The following ANO4 variants were observed in gnomAD, a reference collection of about 807,000 sequenced individuals.
ANO4 encodes anoctamin 4, also known as anoctamin-4.
ANO4 carries 69 observed loss-of-function variants against 141.9 expected under a neutral mutation model. The observed-to-expected ratio is 0.49, with a 90% CI of 0.40 to 0.59. The LOEUF is 0.59. Ranked by LOEUF, ANO4 falls within the 20% of genes least tolerant of loss-of-function variation. ANO4 has a pLI of 0.00. For synonymous variants in ANO4, 350 were observed against 394.3 expected (o/e 0.89, Z 1.33); for missense variants, 894 against 1,162.2 (o/e 0.77, Z 3.36).
At chr12:100,854,013 G>A (rs999749173) in intron 1 of ANO4, among the ~76,000 whole-genome samples, 13 of 152,036 alleles carry the variant, frequency 8.6e-5, no homozygotes, top group African/African-American at 3.1e-4. Flanking sequence ...CATTTTCCAT[G>A]TTCCTTCCGG....
At chr12:100,894,560 T>C (rs528658569) in intron 1 of ANO4, among the ~76,000 whole-genome samples, 2 of 152,210 alleles carry the variant, frequency 1.3e-5, no homozygotes, top group East Asian at 3.9e-4. Flanking sequence ...GGAACATACC[T>C]AAGCTAATGA....
chr12:100,929,217 C>A (rs1211765483), intron 3 of ANO4, among the ~76,000 whole-genome samples: 2 of 152,038 alleles, frequency 1.3e-5, no homozygotes, highest in African/African-American at 4.8e-5. Context: ...CTTATTCATT[C>A]TATCTAATTA....
chr12:101,050,748 A>G (rs1011805436), intron 14 of ANO4, among the ~76,000 whole-genome samples: 1 of 152,220 alleles, frequency 6.6e-6, no homozygotes, highest in African/African-American at 2.4e-5. Flanking sequence ...AAATATTTAC[A>G]CAGCAGCTGC....
At chr12:100,749,327 T>C (rs1306207758) in intron 3 of ANO4, among the ~76,000 whole-genome samples, 1 of 152,226 alleles carries the variant, frequency 6.6e-6, no homozygotes, top group Non-Finnish European at 1.5e-5. Context: ...TGTATACTAC[T>C]TCTCTGTGAA....
chr12:101,056,025 T>C (rs1309315274), intron 14 of ANO4, among the ~76,000 whole-genome samples: 1 of 152,190 alleles, frequency 6.6e-6, no homozygotes, highest in African/African-American at 2.4e-5. Flanking sequence ...TGTGTATGTG[T>C]ACACATGGCA....
At chr12:100,992,789 A>T (rs1213888397) in intron 8 of ANO4, among the ~76,000 whole-genome samples, 1 of 152,180 alleles carries the variant, frequency 6.6e-6, no homozygotes, top group African/African-American at 2.4e-5. Flanking sequence ...TGGTCTTCTA[A>T]ATGAAGGAGT....
At chr12:100,955,602 T>C (rs942192753) in intron 5 of ANO4, among the ~76,000 whole-genome samples, 5 of 152,198 alleles carry the variant, frequency 3.3e-5, no homozygotes, top group Admixed American at 3.3e-4. Flanking sequence ...TGAACAGTAA[T>C]GTTGGGGCCA....
chr12:100,885,438 C>A (rs2039780975), intron 1 of ANO4: 1 of 152,244 alleles, frequency 6.6e-6, no homozygotes, highest in Non-Finnish European at 1.5e-5. Flanking sequence ...ATTTCTCTGA[C>A]CTTCCTTTAG....
At chr12:100,747,518 G>T (rs1028947827) in intron 3 of ANO4, among the ~76,000 whole-genome samples, 4 of 152,166 alleles carry the variant, frequency 2.6e-5, no homozygotes, top group Non-Finnish European at 5.9e-5. Flanking sequence ...TTTGCCTTGT[G>T]CCCTCCTTCT....
At chr12:100,956,292 A>G (rs1423943194) in intron 5 of ANO4, among the ~76,000 whole-genome samples, 1 of 152,246 alleles carries the variant, frequency 6.6e-6, no homozygotes, top group Non-Finnish European at 1.5e-5. Context: ...TCTTCGAAGA[A>G]GGTGGTGTTA....
At chr12:101,099,503 A>G (rs781033896) in intron 21 of ANO4, 75 bp from the exon 22 acceptor site, 20 of 1,401,644 alleles carry the variant, frequency 1.4e-5, no homozygotes, top group Non-Finnish European at 1.9e-5. Context: ...TTCTGTATTC[A>G]AACTCTCCTT....
chr12:100,827,137 T>G (rs1442366678), intron 1 of ANO4, among the ~76,000 whole-genome samples: 2 of 152,060 alleles, frequency 1.3e-5, no homozygotes, highest in African/African-American at 2.4e-5. Context: ...TTTAGTCAGA[T>G]AGTAAAAGAC....
At chr12:100,884,819 C>T (rs569061569) in intron 1 of ANO4, among the ~76,000 whole-genome samples, 2 of 152,326 alleles carry the variant, frequency 1.3e-5, no homozygotes, top group South Asian at 2.1e-4. Flanking sequence ...CTCAGCCCCC[C>T]GAGTAGCTGG....
intron 5 of ANO4, among the ~76,000 whole-genome samples, chr12:100,960,256 A>G (rs1030423778): frequency 6.9e-6 from 1 of 144,690 alleles, no homozygotes; most frequent in African/African-American, 2.6e-5. Flanking sequence ...ATATTCACAC[A>G]CACGCACACA....
chr12:100,771,748 TGGGTGACCA>T (rs2033311307), intron 3 of ANO4, among the ~76,000 whole-genome samples: 1 of 152,218 alleles, frequency 6.6e-6, no homozygotes, highest in Non-Finnish European at 1.5e-5. Context: ...GAGGAAGGCC[TGGGTGACCA>T]GTGGCCATAG....
intron 1 of ANO4, among the ~76,000 whole-genome samples, chr12:100,806,434 A>G (rs1412893435): frequency 6.8e-6 from 1 of 147,390 alleles, no homozygotes; most frequent in Non-Finnish European, 1.5e-5. Flanking sequence ...TTCTTCTTCT[A>G]TGAGCTAACT....
At chr12:100,825,783 C>A (rs530111022) in intron 1 of ANO4, among the ~76,000 whole-genome samples, 3 of 152,154 alleles carry the variant, frequency 2.0e-5, no homozygotes, top group African/African-American at 4.8e-5. Context: ...CTGCATATAT[C>A]TTCAGCTTTT....
At position 101,086,687 on chromosome 12, in the gene ANO4, G is replaced by A. The variant is rs752158945; in HGVS notation, c.1564G>A (p.Gly522Arg). 1.2e-6 allele frequency: 2 copies of A among 1,613,708 alleles called. No individual in the cohort carries two copies. The highest frequency in any genetic ancestry group is 1.7e-6 in the Non-Finnish European group (2 of 1,179,784). Reference protein sequence around the residue: ...MICVVIAAVFGIVIYRVVTVS... With the variant: ...MICVVIAAVFRIVIYRVVTVS... ...CTGCGTGGTGATTGCTGCCGTGTTC[G>A]GGATCGTCATTTACCGGGTGGTGAC... The change falls in exon 17 of 28, where the codon GGG becomes AGG. Residue 522 changes from glycine (G) to arginine (R), a missense_variant. Gly to Arg is a moderately radical substitution (Grantham distance 125). Transcript: ENST00000392977.
chr12:101,006,602 C>G (rs1056275098), intron 8 of ANO4, among the ~76,000 whole-genome samples: 3 of 152,106 alleles, frequency 2.0e-5, no homozygotes, highest in African/African-American at 4.8e-5. Flanking sequence ...CTGTACTGTC[C>G]CATACAGTAG....
Sources: allele counts gnomAD v4.1 joint callset (sites outside exome capture counted in the v4.1 genomes callset), GRCh38; gene constraint gnomAD v4.1.1; transcripts MANE v1.5; gene names NCBI Gene and HGNC (gene_info 2026-07-23, HGNC 2026-07-21).